Variants in ETNK1 observed in about 807,000 individuals in gnomAD.
The protein encoded by ETNK1 is ethanolamine kinase 1.
In ETNK1, 8 loss-of-function variants were observed where a neutral mutation model predicts 45.1. The ratio of observed to expected loss-of-function variants is 0.18; its 90% CI spans 0.10 to 0.32. ETNK1 has a LOEUF of 0.32. ETNK1 is among the 10% of genes least tolerant of loss of function. The pLI, the probability that ETNK1 is intolerant of heterozygous loss-of-function variation, is 1.00. For synonymous variants in ETNK1, 152 were observed against 151.9 expected (o/e 1.00, Z -0.01); for missense variants, 302 against 430.6 (o/e 0.70, Z 2.64).
chr12:22,656,815 G>A (rs930313123), intron 2 of ETNK1: 33 of 979,408 alleles, frequency 3.4e-5, no homozygotes, highest in Non-Finnish European at 3.8e-5. Context: ...ATCTGTTAGA[G>A]TTAAATATCT....
At position 22,658,309 on chromosome 12, in the gene ETNK1, T is replaced by C. The variant is rs76346731; in HGVS notation, c.417-705T>C. Among the ~76,000 whole-genome samples the C allele has an allele frequency of 5.0e-3, 758 of 152,290 alleles. 3 individuals are homozygous for C. The highest frequency in any genetic ancestry group is 7.9e-3 in the Non-Finnish European group (537 of 68,022). The stretch of plus-strand genomic sequence containing the variant: ...TCAAAAGAAGCGTGGGACTCCAATC[T>C]AGTTTCAGAGAGTACACTCAAAATC... On this transcript the variant is annotated intron_variant, in intron 2 of 7. Coordinates refer to ENST00000266517, the MANE Select transcript of ETNK1 (RefSeq NM_018638.5).
chr12:22,651,682 CTTTTTTTTTTTT>C (rs35611431), intron 2 of ETNK1, among the ~76,000 whole-genome samples: 3 of 131,050 alleles, frequency 2.3e-5, no homozygotes, highest in Admixed American at 7.8e-5. Context: ...AATTCTATCC[CTTTTTTTTTTTT>C]TTTTTTTTGA....
chr12:22,647,443 A>G (rs1953820809), intron 2 of ETNK1, among the ~76,000 whole-genome samples: 1 of 151,942 alleles, frequency 6.6e-6, no homozygotes, highest in Non-Finnish European at 1.5e-5. Context: ...AGAAAGTTAT[A>G]TGCTGTATTT....
chr12:22,680,673 A>T (rs1274337076), intron 6 of ETNK1, among the ~76,000 whole-genome samples: 1 of 152,214 alleles, frequency 6.6e-6, no homozygotes. Context: ...TGATAAAAAG[A>T]AAAGCAGGTC....
At chr12:22,660,386 A>G (rs564115281) in intron 3 of ETNK1, among the ~76,000 whole-genome samples, 25 of 152,296 alleles carry the variant, frequency 1.6e-4, no homozygotes, top group African/African-American at 4.1e-4. Context: ...TTTTAATCAA[A>G]TTAATACAAG....
chr12:22,656,212 C>G (rs900313976), intron 2 of ETNK1, among the ~76,000 whole-genome samples: 1 of 152,044 alleles, frequency 6.6e-6, no homozygotes, highest in Admixed American at 6.6e-5. Flanking sequence ...TTTTAATACA[C>G]AGAAAATTCA....
At chr12:22,679,873 G>C (rs2137576216) in intron 6 of ETNK1, among the ~76,000 whole-genome samples, 1 of 152,068 alleles carries the variant, frequency 6.6e-6, no homozygotes, top group African/African-American at 2.4e-5. Context: ...TGTATTTTTG[G>C]TAAAGACGGG....
chr12:22,652,047 C>G (rs754890983), intron 2 of ETNK1, among the ~76,000 whole-genome samples: 1 of 152,124 alleles, frequency 6.6e-6, no homozygotes, highest in Non-Finnish European at 1.5e-5. Flanking sequence ...CAACCGTCAT[C>G]TACTTTCTAT....
At chr12:22,652,779 T>C (rs915285878) in intron 2 of ETNK1, among the ~76,000 whole-genome samples, 1 of 152,188 alleles carries the variant, frequency 6.6e-6, no homozygotes, top group African/African-American at 2.4e-5. Flanking sequence ...TTTTATCTCA[T>C]TCTGCAGGTT....
At chr12:22,644,144 G>C (rs1953775687) in intron 2 of ETNK1, 122 bp downstream of exon 2, 1 of 1,504,662 alleles carries the variant, frequency 6.6e-7, no homozygotes, top group South Asian at 1.3e-5. Flanking sequence ...ACTTTCTTTA[G>C]CTAGGGTTTT....
At chr12:22,658,761 CCAGAGTAAT>C in intron 2 of ETNK1, among the ~76,000 whole-genome samples, 1 of 151,998 alleles carries the variant, frequency 6.6e-6, no homozygotes, top group Non-Finnish European at 1.5e-5. Context: ...CTGAAGATGG[CCAGAGTAAT>C]CAGAGTAATT....
chr12:22,625,909 G>A, intron 1 of ETNK1: 2 of 607,970 alleles, frequency 3.3e-6, no homozygotes, highest in Non-Finnish European at 6.2e-6. Flanking sequence ...ACTGCAAAAT[G>A]AACCTTTCCA....
chr12:22,650,557 C>T (rs1006576632), intron 2 of ETNK1, among the ~76,000 whole-genome samples: 1 of 151,768 alleles, frequency 6.6e-6, no homozygotes, highest in Non-Finnish European at 1.5e-5. Flanking sequence ...CTTTTTTAGT[C>T]TGTTAATGTA....
Position 22,626,732 on chromosome 12 carries a change from G to T in ETNK1, c.156+1146G>T, listed in dbSNP as rs552488541. ...TTAAGCAGATTATTTTAAAGGACCC[G>T]TATGTTTTGGAGAAGAAACTTGTTA... On this transcript the variant is annotated intron_variant, in intron 1 of 7. Coordinates refer to ENST00000266517, the MANE Select transcript of ETNK1 (RefSeq NM_018638.5). Among the ~76,000 whole-genome samples the T allele has an allele frequency of 6.0e-3, 910 of 152,224 alleles. 5 individuals are homozygous for T. Among genetic ancestry groups the T allele is most frequent in the Non-Finnish European group, 8.8e-3 (599 of 68,002 alleles).
rs1416381852 is a variant in ETNK1 at position 22,685,847 on chromosome 12, C to T, written c.*893C>T. 1 of 151,640 alleles carries T rather than the reference C, an allele frequency of 6.6e-6. No individual in the cohort carries two copies. The highest frequency in any genetic ancestry group is 2.4e-5 in the African/African-American group (1 of 41,360). The allele number at this position is 151,640 out of a possible 1,614,324, so 9.4% of individuals were successfully genotyped here. On this transcript the variant is annotated 3_prime_UTR_variant, in exon 8 of 8. Transcript: ENST00000266517. The stretch of plus-strand genomic sequence containing the variant: ...TCACTAGTATTGCTAATTTTTGAAA[C>T]AAATACACAAAATTTATCATATGTA...
chr12:22,684,473 T>G lies in ETNK1; in HGVS notation c.946-10T>G, dbSNP rs767221746. On this transcript the variant is annotated splice_polypyrimidine_tract_variant and intron_variant, in intron 6 of 7. Coordinates refer to ENST00000266517, the MANE Select transcript of ETNK1 (RefSeq NM_018638.5). ...ATCATAATTTTTGATTTTTCTTTCC[T>G]TCTTTTAAGGCTTCTCATTTCTTTT... The G allele has an allele frequency of 4.4e-6, 7 of 1,599,106 alleles. No individual in the cohort carries two copies. Among genetic ancestry groups the G allele is most frequent in the Non-Finnish European group, 6.0e-6 (7 of 1,171,680 alleles).
rs528170240 is a variant in ETNK1, at chr12:22,687,553, C to T, written c.*2599C>T. The stretch of plus-strand genomic sequence containing the variant: ...TCCGCAATTTTTTTTCCTTTTTTCC[C>T]CTTCATACTTGTATGATCTCACCTG... On this transcript the variant is annotated 3_prime_UTR_variant, in exon 8 of 8. Coordinates refer to ENST00000266517, the MANE Select transcript of ETNK1 (RefSeq NM_018638.5). The T allele has an allele frequency of 6.6e-6, 1 of 152,116 alleles. No homozygotes were observed. Among genetic ancestry groups the T allele is most frequent in the Admixed American group, 6.6e-5 (1 of 15,240 alleles). The allele number at this position is 152,116 out of a possible 1,614,324, so 9.4% of individuals were successfully genotyped here.
Position 22,673,492 on chromosome 12 carries a change from T to G in ETNK1, c.785-8T>G. The G allele has an allele frequency of 6.4e-7, 1 of 1,567,326 alleles. No homozygotes were observed. The highest frequency in any genetic ancestry group is 2.3e-5 in the East Asian group (1 of 44,358). On this transcript the variant is annotated splice_region_variant and splice_polypyrimidine_tract_variant and intron_variant, in intron 5 of 7. Transcript: ENST00000266517. ...AAATTTTTGAGTGTAGTTTTTTTTC[T>G]TCTAAAGGTGTGAGTGATGTAGACT...
At chr12:22,671,394 T>A (rs1321822975) in intron 5 of ETNK1, 39 bp downstream of exon 5, 1 of 1,226,126 alleles carries the variant, frequency 8.2e-7, no homozygotes, top group Admixed American at 1.7e-5. Context: ...TTTGAAACGA[T>A]ATTTTCAGAA....
Sources: gnomAD v4.1 joint callset for allele counts (sites outside exome capture counted in the v4.1 genomes callset) on GRCh38, gnomAD v4.1.1 for gene constraint, MANE v1.5 for transcripts, NCBI Gene and HGNC (gene_info 2026-07-23, HGNC 2026-07-21) for gene names.